The following APBA1 variants were observed in gnomAD, a reference collection of about 807,000 sequenced individuals.
APBA1 encodes the protein amyloid-beta A4 precursor protein-binding family A member 1.
A neutral mutation model predicts 86.6 loss-of-function variants in APBA1; 55 were observed. That is an observed-to-expected ratio of 0.64 (90% CI 0.51 to 0.80). APBA1 has a LOEUF of 0.80. Among genes scored for constraint, APBA1 ranks in the 30% least tolerant of loss-of-function variants. The probability of loss-of-function intolerance (pLI) is 0.00; values close to 1 mark genes in which losing one functional copy is unlikely to be tolerated. For synonymous variants in APBA1, 511 were observed against 493.9 expected (o/e 1.03, Z -0.46); for missense variants, 1,090 against 1,183.0 (o/e 0.92, Z 1.15).
Position 69,456,342 on chromosome 9 carries a change from G to A in APBA1, c.1693C>T (p.Arg565Cys), listed in dbSNP as rs572878528. The A allele has an allele frequency of 1.9e-5, 30 of 1,614,152 alleles. No homozygotes were observed. Among genetic ancestry groups the A allele is most frequent in the African/African-American group, 1.2e-4 (9 of 75,038 alleles). ...VVLMARRRMP[R>C]SNSQENVEAS... ...TCCACGTTCTCCTGGGAGTTGGAGC[G>A]AGGCATCCGCCGGCGGGCCATCAGC... is the stretch of plus-strand genomic sequence containing the variant. The change falls in exon 8 of 13, where the codon CGC becomes TGC. Residue 565 changes from arginine to cysteine, a missense_variant. Around this residue, in one of 6 missense-constraint regions of APBA1, gnomAD observed 103 missense variants for 91.9 expected, o/e 1.12. Coordinates refer to ENST00000265381, the MANE Select transcript of APBA1 (RefSeq NM_001163.4).
intron 1 of APBA1, among the ~76,000 whole-genome samples, chr9:69,586,215 C>T (rs1022074340): frequency 3.9e-5 from 6 of 152,190 alleles, no homozygotes; most frequent in African/African-American, 1.4e-4. Context: ...ACTAACTCTA[C>T]GTGCTGAATG....
intron 1 of APBA1, among the ~76,000 whole-genome samples, chr9:69,567,175 GATCA>G (rs1485283159): frequency 1.3e-5 from 2 of 151,988 alleles, no homozygotes; most frequent in African/African-American, 2.4e-5. Context: ...ACAGAGAAGC[GATCA>G]ATCATTTCCA....
At chr9:69,545,440 TTAAGC>T (rs1836682701) in intron 1 of APBA1, among the ~76,000 whole-genome samples, 1 of 152,192 alleles carries the variant, frequency 6.6e-6, no homozygotes, top group African/African-American at 2.4e-5. Context: ...TCTTTCCTCT[TTAAGC>T]TAGCTTGAGT....
chr9:69,435,996 T>C (rs1333246694), intron 11 of APBA1, among the ~76,000 whole-genome samples: 2 of 152,124 alleles, frequency 1.3e-5, no homozygotes, highest in Non-Finnish European at 2.9e-5. Context: ...TTTCTACATA[T>C]GGCTAGCCAG....
intron 1 of APBA1, among the ~76,000 whole-genome samples, chr9:69,661,354 T>C (rs1823749321): frequency 6.6e-6 from 1 of 152,200 alleles, no homozygotes; most frequent in Non-Finnish European, 1.5e-5. Flanking sequence ...ACATCTACCT[T>C]ACTTTTCTGT....
chr9:69,659,760 C>G (rs1823714701), intron 1 of APBA1, among the ~76,000 whole-genome samples: 1 of 152,198 alleles, frequency 6.6e-6, no homozygotes, highest in Admixed American at 6.5e-5. Context: ...GACTAGACAT[C>G]ATCTACCATA....
intron 2 of APBA1, among the ~76,000 whole-genome samples, chr9:69,485,441 A>C (rs893757751): frequency 6.6e-6 from 1 of 152,170 alleles, no homozygotes; most frequent in African/African-American, 2.4e-5. Flanking sequence ...ACATAATACT[A>C]TTAACTTTCA....
At chr9:69,530,137 C>T (rs1836401753) in intron 1 of APBA1, among the ~76,000 whole-genome samples, 1 of 151,938 alleles carries the variant, frequency 6.6e-6, no homozygotes, top group Admixed American at 6.6e-5. Context: ...CCATTTGACC[C>T]AGCAATCCCA....
chr9:69,568,097 T>C (rs957255952), intron 1 of APBA1, among the ~76,000 whole-genome samples: 1 of 152,300 alleles, frequency 6.6e-6, no homozygotes, highest in Middle Eastern at 3.4e-3. Context: ...CCTTGCAGTA[T>C]GGACTACTAA....
chr9:69,465,445 T>C (rs1273388402), intron 5 of APBA1: 1 of 152,214 alleles, frequency 6.6e-6, no homozygotes, highest in African/African-American at 2.4e-5. Context: ...GGACGTGACT[T>C]TGCCTGAGAA....
chr9:69,591,749 C>T (rs1248745852), intron 1 of APBA1, among the ~76,000 whole-genome samples: 5 of 152,152 alleles, frequency 3.3e-5, no homozygotes, highest in Non-Finnish European at 7.3e-5. Context: ...TTTACAGATC[C>T]GTTAAAATAC....
intron 1 of APBA1, among the ~76,000 whole-genome samples, chr9:69,555,256 C>A (rs1205175668): frequency 1.3e-5 from 2 of 152,120 alleles, no homozygotes; most frequent in African/African-American, 4.8e-5. Context: ...TTAAAACATT[C>A]CTTAGACTGT....
chr9:69,561,926 T>G (rs546562756), intron 1 of APBA1, among the ~76,000 whole-genome samples: 1 of 152,246 alleles, frequency 6.6e-6, no homozygotes, highest in South Asian at 2.1e-4. Flanking sequence ...TGCGCCCTGC[T>G]GTCTAGGGGA....
intron 1 of APBA1, among the ~76,000 whole-genome samples, chr9:69,518,587 A>G (rs562460477): frequency 2.6e-5 from 4 of 152,300 alleles, no homozygotes; most frequent in South Asian, 2.1e-4. Flanking sequence ...AATAGACACA[A>G]AGAATGTAAA....
chr9:69,458,061 C>G, intron 6 of APBA1, 95 bp downstream of exon 6: 1 of 1,271,480 alleles, frequency 7.9e-7, no homozygotes, highest in East Asian at 2.5e-5. Context: ...TTGCTGGATG[C>G]AGAAAACAAA....
At chr9:69,548,605 G>C (rs1217054346) in intron 1 of APBA1, among the ~76,000 whole-genome samples, 1 of 152,212 alleles carries the variant, frequency 6.6e-6, no homozygotes, top group Non-Finnish European at 1.5e-5. Context: ...GCCATTAAAG[G>C]GTAAAAGGCA....
At chr9:69,477,364 G>A (rs28651251) in intron 2 of APBA1, among the ~76,000 whole-genome samples, 77 of 151,650 alleles carry the variant, frequency 5.1e-4, no homozygotes, top group East Asian at 1.8e-3. Context: ...GGTGACGGAC[G>A]CACCTGGAAA....
rs869242999 is a variant in APBA1 at position 69,523,497 on chromosome 9, GTATATATATATATA to G, written c.-69-6232_-69-6219del. ...TATATGTATATATATATATATATAT[GTATATATATATATA>G]TATATATATATATATATATATAGAC... On this transcript the variant is annotated intron_variant, in intron 1 of 12. Transcript: ENST00000265381. Among the ~76,000 whole-genome samples the G allele has an allele frequency of 1.3e-3, 39 of 30,908 alleles. 1 individual carries two copies. The South Asian group carries it at 0.017, about 13-fold the overall frequency. The allele number at this position is 30,908 out of a possible 152,430, so 20.3% of individuals were successfully genotyped here.
chr9:69,619,127 T>A (rs1822764338), intron 1 of APBA1, among the ~76,000 whole-genome samples: 1 of 152,226 alleles, frequency 6.6e-6, no homozygotes, highest in Admixed American at 6.5e-5. Flanking sequence ...ACAGAGTATT[T>A]GTTATTTTGA....
Sources: gnomAD v4.1 joint callset for allele counts (sites outside exome capture counted in the v4.1 genomes callset) on GRCh38, gnomAD v4.1.1 for gene constraint, gnomAD v4.1.1 regional missense constraint, MANE v1.5 for transcripts, NCBI Gene and HGNC (gene_info 2026-07-23, HGNC 2026-07-21) for gene names.